The following GREB1L variants were observed in gnomAD, a reference collection of about 807,000 sequenced individuals.
The protein encoded by GREB1L is GREB1 like retinoic acid receptor coactivator, also known as GREB1-like protein.
Under a neutral mutation model 200.8 loss-of-function variants are expected in GREB1L, and 17 were observed. That is an observed-to-expected ratio of 0.08 (90% CI 0.06 to 0.13). The LOEUF is 0.13. Ranked by LOEUF, GREB1L falls within the 10% of genes least tolerant of loss-of-function variation. The pLI is 1.00. For missense variants in GREB1L, 1,657 were observed against 2,367.7 expected (o/e 0.70, Z 6.23); for synonymous variants, 789 against 893.0 (o/e 0.88, Z 2.08).
chr18:21,329,267 G>C (rs1455508504), intron 1 of GREB1L, among the ~76,000 whole-genome samples: 1 of 147,504 alleles, frequency 6.8e-6, no homozygotes, highest in African/African-American at 2.5e-5. Context: ...GGAGGTTGCA[G>C]TGATTAGAGA....
At chr18:21,367,664 G>A (rs1262366582) in intron 2 of GREB1L, among the ~76,000 whole-genome samples, 1 of 152,184 alleles carries the variant, frequency 6.6e-6, no homozygotes, top group East Asian at 1.9e-4. Context: ...GAAGTGTCAT[G>A]TTTCTGGAAT....
intron 2 of GREB1L, among the ~76,000 whole-genome samples, chr18:21,372,227 CA>C (rs1267396247): frequency 4.3e-4 from 65 of 151,232 alleles, no homozygotes; most frequent in African/African-American, 1.6e-3. Flanking sequence ...CGGCTCACTG[CA>C]ACCTCCGCCT....
chr18:21,401,238 T>G lies in GREB1L; in HGVS notation c.621T>G (p.Thr207=). 1.3e-6 allele frequency: 2 copies of G among 1,551,546 alleles called. No individual in the cohort carries two copies. The highest frequency in any genetic ancestry group is 1.7e-6 in the Non-Finnish European group (2 of 1,146,846). Residue 207 remains threonine, a synonymous_variant, in exon 6 of 33, where the codon ACT becomes ACG. Transcript: ENST00000424526. Reference sequence around the variant, plus strand: ...ACCACATTAACTTGAAGCTCACCACTCAGCCAAAGAAGCAGAAGCACTTAA... The same window carrying G: ...ACCACATTAACTTGAAGCTCACCACGCAGCCAAAGAAGCAGAAGCACTTAA... ...FSNHINLKLT[T]QPKKQKHLKY...
rs975639006 is a variant in GREB1L at position 21,499,937 on chromosome 18, G to C, written c.3600G>C (p.Lys1200Asn). ...GPQMASSTTS[K>N]PSSSSSGPRT... ...AGATGGCGAGCAGCACCACCTCCAA[G>C]CCGTCATCATCATCCTCAGGACCCA... Residue 1200 changes from lysine (K) to asparagine (N), a missense_variant, in exon 22 of 33, where the codon AAG becomes AAC. Physicochemically the swap from Lys to Asn is moderately conservative, Grantham distance 94. Transcript: ENST00000424526. 1.9e-6 allele frequency: 3 copies of C among 1,550,312 alleles called. No individual in the cohort carries two copies. The highest frequency in any genetic ancestry group is 2.7e-5 in the African/African-American group (2 of 73,012).
At chr18:21,244,007 A>G (rs1459810992) in intron 1 of GREB1L, among the ~76,000 whole-genome samples, 11 of 152,154 alleles carry the variant, frequency 7.2e-5, no homozygotes, top group Non-Finnish European at 1.5e-4. Flanking sequence ...TAGATGATGA[A>G]AGGGATTGAA....
chr18:21,461,745 C>T (rs879186657), intron 15 of GREB1L, among the ~76,000 whole-genome samples: 2 of 152,212 alleles, frequency 1.3e-5, no homozygotes, highest in South Asian at 4.1e-4. Context: ...TGATCTTTCT[C>T]TTCAGCCAGA....
chr18:21,422,063 A>G (rs148815051), intron 7 of GREB1L, among the ~76,000 whole-genome samples: 1 of 152,204 alleles, frequency 6.6e-6, no homozygotes, highest in African/African-American at 2.4e-5. Flanking sequence ...TGCTCAAGGA[A>G]CTTTCCAAGT....
Position 21,508,456 on chromosome 18 carries a change from C to A in GREB1L, c.4600C>A (p.Leu1534Ile). The A allele has an allele frequency of 6.4e-7, 1 of 1,551,702 alleles. No individual in the cohort carries two copies. The highest frequency in any genetic ancestry group is 8.7e-7 in the Non-Finnish European group (1 of 1,146,990). Residue 1534 changes from leucine (L) to isoleucine (I), a missense_variant, in exon 27 of 33, where the codon CTT becomes ATT. Leu to Ile is a conservative substitution (Grantham distance 5). Coordinates refer to ENST00000424526, the MANE Select transcript of GREB1L (RefSeq NM_001142966.3). ...TCGACATGAGCACGGACTCCTAAAC[C>A]TTTTCCACGCCATGGAGGGCATCAG... ...SGRHEHGLLN[L>I]FHAMEGISHL...
At chr18:21,486,549 G>A (rs2036136398) in intron 18 of GREB1L, among the ~76,000 whole-genome samples, 1 of 152,026 alleles carries the variant, frequency 6.6e-6, no homozygotes, top group African/African-American at 2.4e-5. Flanking sequence ...TCAGATAATT[G>A]AGGTGAATTC....
intron 18 of GREB1L, among the ~76,000 whole-genome samples, chr18:21,487,520 C>T (rs992560987): frequency 6.6e-6 from 1 of 152,232 alleles, no homozygotes; most frequent in Non-Finnish European, 1.5e-5. Context: ...CCTGAAGGGA[C>T]CAGCCCAGGA....
intron 1 of GREB1L, among the ~76,000 whole-genome samples, chr18:21,357,966 A>G (rs535480574): frequency 8.5e-5 from 13 of 152,200 alleles, no homozygotes; most frequent in African/African-American, 2.9e-4. Flanking sequence ...TTCCATATAA[A>G]TTTTACGATT....
At chr18:21,244,622 T>TA (rs1326352835) in intron 1 of GREB1L, among the ~76,000 whole-genome samples, 9 of 152,350 alleles carry the variant, frequency 5.9e-5, no homozygotes, top group Admixed American at 5.2e-4. Context: ...CTGTGGATGT[T>TA]AGACAGTGGG....
At chr18:21,432,454 A>G (rs925409883) in intron 7 of GREB1L, among the ~76,000 whole-genome samples, 1 of 151,806 alleles carries the variant, frequency 6.6e-6, no homozygotes, top group African/African-American at 2.4e-5. Context: ...GTCTAAGTTT[A>G]TATCTTTGGT....
At chr18:21,429,454 C>CA (rs1458263815) in intron 7 of GREB1L, among the ~76,000 whole-genome samples, 1 of 151,400 alleles carries the variant, frequency 6.6e-6, no homozygotes, top group African/African-American at 2.4e-5. Context: ...GCAGTCCTCC[C>CA]ACTTCAGCCT....
chr18:21,478,653 G>T (rs1453436511), intron 17 of GREB1L, among the ~76,000 whole-genome samples: 1 of 152,176 alleles, frequency 6.6e-6, no homozygotes, highest in East Asian at 1.9e-4. Context: ...AACTAACTCA[G>T]TGTGTTCTAT....
Position 21,383,542 on chromosome 18 carries a change from A to G in GREB1L, c.24A>G (p.Gln8=), listed in dbSNP as rs937172338. ...TCATGGGGAATTCATATGCTGGGCA[A>G]CTGAAATCTGCTCGATTTGAGGAAG... is the stretch of plus-strand genomic sequence containing the variant. The part of the protein sequence containing the change: MGNSYAG[Q]LKSARFEEAL... The change falls in exon 3 of 33, where the codon CAA becomes CAG. Residue 8 remains glutamine (Q), a synonymous_variant. Transcript: ENST00000424526. 1 of 1,540,880 alleles carries G rather than the reference A, an allele frequency of 6.5e-7. No individual in the cohort carries two copies. Among genetic ancestry groups the G allele is most frequent in the African/African-American group, 1.4e-5 (1 of 72,202 alleles).
chr18:21,401,099 T>C lies in GREB1L; in HGVS notation c.533-51T>C, dbSNP rs1457564829. On this transcript the variant is annotated intron_variant, in intron 5 of 32. Coordinates refer to ENST00000424526, the MANE Select transcript of GREB1L (RefSeq NM_001142966.3). ...TTCTATGCTGTTTAATACGTAAAAGTATTGTATCAACTTACAAGGCCATTA... is the reference window on the plus strand; with the variant it reads ...TTCTATGCTGTTTAATACGTAAAAGCATTGTATCAACTTACAAGGCCATTA... 4.3e-6 allele frequency: 6 copies of C among 1,406,080 alleles called. No homozygotes were observed. In the African/African-American group the frequency reaches 5.7e-5, roughly 13 times the overall value. 87.1% of individuals were successfully genotyped at this position (1,406,080 alleles called of 1,614,324 possible).
At chr18:21,510,335 ACTCTATACC>A (rs930357715) in intron 27 of GREB1L, among the ~76,000 whole-genome samples, 35 of 152,114 alleles carry the variant, frequency 2.3e-4, no homozygotes, top group African/African-American at 8.2e-4. Flanking sequence ...TGAAACAGAA[ACTCTATACC>A]CATTAAACAA....
chr18:21,300,778 C>A (rs1046667857), intron 1 of GREB1L, among the ~76,000 whole-genome samples: 1 of 152,200 alleles, frequency 6.6e-6, no homozygotes, highest in Non-Finnish European at 1.5e-5. Flanking sequence ...CCCTCCTCAC[C>A]CCTTCTTCCC....
Sources: gnomAD v4.1 joint callset for allele counts (sites outside exome capture counted in the v4.1 genomes callset) on GRCh38, gnomAD v4.1.1 for gene constraint, MANE v1.5 for transcripts, NCBI Gene and HGNC (gene_info 2026-07-23, HGNC 2026-07-21) for gene names.